The following PAPPA2 variants were observed in gnomAD, a reference collection of about 807,000 sequenced individuals.
PAPPA2 encodes the protein pappalysin-2.
PAPPA2 carries 86 observed loss-of-function variants against 176.4 expected under a neutral mutation model. That is an observed-to-expected ratio of 0.49 (90% CI 0.41 to 0.58). The LOEUF (loss-of-function observed/expected upper bound fraction) is 0.58. Ranked by LOEUF, PAPPA2 falls within the 20% of genes least tolerant of loss-of-function variation. The pLI is 0.00. For synonymous variants in PAPPA2, 809 were observed against 852.2 expected, an observed-to-expected ratio of 0.95 and a Z score of 0.88; for missense variants, 2,073 against 2,256.9, an observed-to-expected ratio of 0.92 and a Z score of 1.65.
At chr1:176,644,289 C>T (rs774352209) in intron 3 of PAPPA2, among the ~76,000 whole-genome samples, 1 of 151,646 alleles carries the variant, frequency 6.6e-6, no homozygotes, top group Admixed American at 6.6e-5. Flanking sequence ...CTGGGGAAGT[C>T]GTGAGCACCA....
intron 1 of PAPPA2, among the ~76,000 whole-genome samples, chr1:176,535,393 C>T (rs1338241434): frequency 1.3e-5 from 2 of 152,282 alleles, no homozygotes; most frequent in South Asian, 2.1e-4. Flanking sequence ...GAGCGGAATT[C>T]GACATTTTCT....
chr1:176,647,327 G>C (rs1657451207), intron 3 of PAPPA2, among the ~76,000 whole-genome samples: 1 of 151,430 alleles, frequency 6.6e-6, no homozygotes, highest in Non-Finnish European at 1.5e-5. Flanking sequence ...TTGTCAGATG[G>C]GTAGTTTGCA....
intron 1 of PAPPA2, among the ~76,000 whole-genome samples, chr1:176,512,257 T>C (rs1295013713): frequency 6.7e-6 from 1 of 148,964 alleles, no homozygotes; most frequent in African/African-American, 2.5e-5. Context: ...ACATTAAGTG[T>C]TGGCAAAAAT....
rs1314611150 is a variant in PAPPA2 at position 176,559,868 on chromosome 1, A to G, written c.919+2627A>G. 2.0e-5 allele frequency among the ~76,000 whole-genome samples: 3 copies of G among 152,208 alleles called. No homozygotes were observed. In the East Asian group the frequency reaches 5.8e-4, roughly 29 times the overall value. ...CTTAAACCCAGTTTCCCAATCCTTA[A>G]TCTACCCAATTTAGGGCATTTTTTA... On this transcript the variant is annotated intron_variant, in intron 2 of 22. Coordinates refer to ENST00000367662, the MANE Select transcript of PAPPA2 (RefSeq NM_020318.3).
intron 12 of PAPPA2, among the ~76,000 whole-genome samples, chr1:176,720,736 G>A (rs566247694): frequency 2.0e-5 from 3 of 151,988 alleles, no homozygotes; most frequent in Non-Finnish European, 4.4e-5. Flanking sequence ...ATAGGCCCTC[G>A]GCAAGCGGGA....
chr1:176,827,810 C>T (rs1449351269), intron 21 of PAPPA2, among the ~76,000 whole-genome samples: 1 of 152,022 alleles, frequency 6.6e-6, no homozygotes, highest in African/African-American at 2.4e-5. Flanking sequence ...AACCCTATGC[C>T]TGGCTTATAG....
intron 3 of PAPPA2, among the ~76,000 whole-genome samples, chr1:176,611,215 A>C (rs1379686351): frequency 1.3e-5 from 2 of 152,286 alleles, no homozygotes; most frequent in East Asian, 3.9e-4. Context: ...GGGTAGTGAG[A>C]CCAGTAGAGA....
intron 4 of PAPPA2, among the ~76,000 whole-genome samples, chr1:176,681,297 T>C (rs1283351611): frequency 2.0e-5 from 3 of 152,176 alleles, no homozygotes; most frequent in Admixed American, 1.3e-4. Flanking sequence ...AGAGAATGTC[T>C]GTACCACCAC....
intron 1 of PAPPA2, among the ~76,000 whole-genome samples, chr1:176,517,086 A>G (rs970671314): frequency 1.3e-5 from 2 of 152,184 alleles, no homozygotes; most frequent in Non-Finnish European, 2.9e-5. Context: ...TACCATATTT[A>G]TAGAGACTCT....
chr1:176,770,010 C>A (rs1443839691), intron 16 of PAPPA2, among the ~76,000 whole-genome samples: 3 of 152,202 alleles, frequency 2.0e-5, no homozygotes, highest in Non-Finnish European at 4.4e-5. Context: ...GAATCTTAGA[C>A]TTTCCTCTAT....
chr1:176,718,580 T>C (rs1661475130), intron 12 of PAPPA2, among the ~76,000 whole-genome samples: 1 of 152,054 alleles, frequency 6.6e-6, no homozygotes, highest in Non-Finnish European at 1.5e-5. Context: ...TCACATCTTA[T>C]TTCTGTTACC....
At chr1:176,609,829 G>T (rs1465546336) in intron 3 of PAPPA2, among the ~76,000 whole-genome samples, 2 of 152,212 alleles carry the variant, frequency 1.3e-5, no homozygotes, top group Non-Finnish European at 2.9e-5. Context: ...GATAATGCTT[G>T]TTGAAAGTGC....
chr1:176,550,402 G>C (rs761012239), intron 1 of PAPPA2, among the ~76,000 whole-genome samples: 81 of 152,212 alleles, frequency 5.3e-4, no homozygotes, highest in African/African-American at 1.9e-3. Flanking sequence ...CCTAATTGAA[G>C]TATAAACCCT....
At chr1:176,638,941 T>C (rs1390804120) in intron 3 of PAPPA2, among the ~76,000 whole-genome samples, 1 of 86,842 alleles carries the variant, frequency 1.2e-5, no homozygotes. Context: ...TGCATGTGCG[T>C]GTGTGTGTGT....
chr1:176,515,517 C>T (rs1281601441), intron 1 of PAPPA2, among the ~76,000 whole-genome samples: 2 of 152,200 alleles, frequency 1.3e-5, no homozygotes, highest in African/African-American at 2.4e-5. Context: ...AGCCTGTTCA[C>T]GGGCTTCCTG....
intron 3 of PAPPA2, among the ~76,000 whole-genome samples, chr1:176,624,078 C>T (rs1436671866): frequency 2.6e-5 from 4 of 152,162 alleles, no homozygotes; most frequent in African/African-American, 2.4e-5. Flanking sequence ...CTACAGGGAA[C>T]GGATGAGATA....
At chr1:176,598,377 A>C (rs1310329659) in intron 3 of PAPPA2, among the ~76,000 whole-genome samples, 2 of 151,924 alleles carry the variant, frequency 1.3e-5, no homozygotes, top group East Asian at 3.9e-4. Context: ...GACAAGACTA[A>C]CTCTCTTACA....
chr1:176,715,321 T>C (rs1661321129), intron 12 of PAPPA2, among the ~76,000 whole-genome samples: 1 of 152,162 alleles, frequency 6.6e-6, no homozygotes, highest in Non-Finnish European at 1.5e-5. Flanking sequence ...GGCCTTCTCC[T>C]GAATCAAAAC....
At chr1:176,638,569 T>C (rs183738263) in intron 3 of PAPPA2, among the ~76,000 whole-genome samples, 20 of 152,114 alleles carry the variant, frequency 1.3e-4, no homozygotes, top group African/African-American at 4.8e-4. Context: ...AATTGCACAT[T>C]CTCAGGAAAG....
Sources: allele counts gnomAD v4.1 joint callset (sites outside exome capture counted in the v4.1 genomes callset), GRCh38; gene constraint gnomAD v4.1.1; transcripts MANE v1.5; gene names NCBI Gene and HGNC (gene_info 2026-07-23, HGNC 2026-07-21).